HIVEP2: variants seen among roughly 807,000 people sequenced by gnomAD.
HIVEP2 encodes the protein transcription factor HIVEP2.
HIVEP2 carries 14 observed loss-of-function variants against 180.7 expected under a neutral mutation model. The observed-to-expected ratio is 0.08, with a 90% CI of 0.05 to 0.12. HIVEP2 has a LOEUF of 0.12. Ranked by LOEUF, HIVEP2 falls within the 10% of genes least tolerant of loss-of-function variation. The pLI is 1.00. For synonymous variants in HIVEP2, 1,184 were observed against 1,136.4 expected (o/e 1.04, Z -0.84); for missense variants, 2,579 against 3,008.5 (o/e 0.86, Z 3.34).
At chr6:142,909,081 T>C (rs1777338219) in intron 1 of HIVEP2, among the ~76,000 whole-genome samples, 2 of 152,186 alleles carry the variant, frequency 1.3e-5, no homozygotes, top group South Asian at 4.1e-4. Flanking sequence ...CTAAACGTTA[T>C]TGTCTCTACT....
chr6:142,900,842 T>TC (rs1777117905), intron 1 of HIVEP2, among the ~76,000 whole-genome samples: 1 of 152,062 alleles, frequency 6.6e-6, no homozygotes, highest in Non-Finnish European at 1.5e-5. Flanking sequence ...TTGAGGTTTT[T>TC]CCCCCCAAAC....
At chr6:142,819,575 C>G (rs1450057551) in intron 2 of HIVEP2, among the ~76,000 whole-genome samples, 1 of 152,116 alleles carries the variant, frequency 6.6e-6, no homozygotes, top group Non-Finnish European at 1.5e-5. Flanking sequence ...AAGGAGACAC[C>G]GAAGTGACCC....
intron 1 of HIVEP2, among the ~76,000 whole-genome samples, chr6:142,944,366 C>G (rs1778252115): frequency 6.7e-6 from 1 of 148,466 alleles, no homozygotes; most frequent in South Asian, 2.1e-4. Flanking sequence ...AGTCCACCCC[C>G]CCCCCCCACC....
At position 142,773,230 on chromosome 6, in the gene HIVEP2, T is replaced by C. The variant is rs550154900; in HGVS notation, c.1509A>G (p.Arg503=). The change falls in exon 5 of 10, where the codon AGA becomes AGG. Residue 503 remains arginine, a synonymous_variant. Coordinates refer to ENST00000367603, the MANE Select transcript of HIVEP2 (RefSeq NM_006734.4). ...LKSTKFNSES[R]QPQIIPSSIR... ...TAGATGATGGAATAATCTGGGGTTG[T>C]CTGGACTCACTGTTGAACTTAGTGG... is the stretch of plus-strand genomic sequence containing the variant. The C allele has an allele frequency of 4.3e-6, 7 of 1,614,100 alleles. No homozygotes were observed. Among genetic ancestry groups the C allele is most frequent in the African/African-American group, 4.0e-5 (3 of 74,934 alleles).
intron 1 of HIVEP2, among the ~76,000 whole-genome samples, chr6:142,928,842 C>A (rs1489348087): frequency 6.6e-6 from 1 of 152,150 alleles, no homozygotes; most frequent in Admixed American, 6.5e-5. Flanking sequence ...TAACTGCAAC[C>A]ACTTCTTTAC....
chr6:142,883,289 A>G (rs974154718), intron 1 of HIVEP2, among the ~76,000 whole-genome samples: 3 of 152,014 alleles, frequency 2.0e-5, no homozygotes, highest in Admixed American at 1.3e-4. Context: ...CAAAAAGAGA[A>G]CAATTACTGT....
rs772127552 is a variant in HIVEP2, at chr6:142,771,293, C to T, written c.3446G>A (p.Gly1149Glu). 1.2e-6 allele frequency: 2 copies of T among 1,613,518 alleles called. No individual in the cohort carries two copies. Among genetic ancestry groups the T allele is most frequent in the East Asian group, 2.2e-5 (1 of 44,876 alleles). ...VAGPCPPLSS[G>E]PLHLAQPQIM... ...CTGTGGCTGGGCCAGGTGCAGTGGCCCCGAGCTCAGCGGGGGACAAGGACC... is the reference window on the plus strand; with the variant it reads ...CTGTGGCTGGGCCAGGTGCAGTGGCTCCGAGCTCAGCGGGGGACAAGGACC... The change falls in exon 5 of 10, where the codon GGG becomes GAG. Residue 1149 changes from glycine to glutamate, a missense_variant. Physicochemically the swap from Gly to Glu is moderately conservative, Grantham distance 98 (BLOSUM62 -2). Coordinates refer to ENST00000367603, the MANE Select transcript of HIVEP2 (RefSeq NM_006734.4). The surrounding 1 kb of genome is among the most constrained non-coding windows in gnomAD (Gnocchi z 5.4).
rs116983674 is a variant in HIVEP2, at chr6:142,880,329, T to C, written c.-640-43282A>G. On this transcript the variant is annotated intron_variant, in intron 1 of 9. Coordinates refer to ENST00000367603, the MANE Select transcript of HIVEP2 (RefSeq NM_006734.4). ...CCCATAACTTGCACCCTCCCCCAGA[T>C]GGTGAAGCCACACCAAAAAAATTGA... Among the ~76,000 whole-genome samples, 178 of 152,162 alleles carry C rather than the reference T, an allele frequency of 1.2e-3. 4 individuals are homozygous for C. The highest frequency in any genetic ancestry group is 0.011 in the East Asian group (56 of 5,154).
Position 142,773,166 on chromosome 6 carries a change from C to T in HIVEP2, c.1573G>A (p.Gly525Ser). The T allele has an allele frequency of 6.2e-7, 1 of 1,614,184 alleles. No homozygotes were observed. Among genetic ancestry groups the T allele is most frequent in the Non-Finnish European group, 8.5e-7 (1 of 1,180,040 alleles). The change falls in exon 5 of 10, where the codon GGC becomes AGC. Residue 525 changes from glycine to serine, a missense_variant. By Grantham distance (56) the Gly-to-Ser change is moderately conservative. This residue lies in a region of HIVEP2 where 524 missense variants were observed against 563.6 expected (regional missense o/e 0.93). Transcript: ENST00000367603. ...GCTTCTAAGAGAACCGGGTTGCTGCCTTGGAAGTTTGCTGGATAAAGTTTT... is the reference window on the plus strand; with the variant it reads ...GCTTCTAAGAGAACCGGGTTGCTGCTTTGGAAGTTTGCTGGATAAAGTTTT... ...EGKLYPANFQ[G>S]SNPVLLEAPV...
At chr6:142,757,915 C>T (rs955731375) in intron 9 of HIVEP2, among the ~76,000 whole-genome samples, 1 of 152,200 alleles carries the variant, frequency 6.6e-6, no homozygotes, top group Non-Finnish European at 1.5e-5. Context: ...TGAAGAATCG[C>T]ATGTTTGCAG....
chr6:142,862,791 TATA>T, intron 1 of HIVEP2, among the ~76,000 whole-genome samples: 1 of 134,890 alleles, frequency 7.4e-6, no homozygotes, highest in East Asian at 2.1e-4. Context: ...TTATATTACA[TATA>T]ATATATTTAG....
chr6:142,801,495 CA>C (rs1168023836), intron 2 of HIVEP2, among the ~76,000 whole-genome samples: 2 of 151,312 alleles, frequency 1.3e-5, no homozygotes, highest in Non-Finnish European at 2.9e-5. Context: ...GGCCAACGAT[CA>C]CTGAGATAGT....
intron 1 of HIVEP2, among the ~76,000 whole-genome samples, chr6:142,894,365 C>G (rs1776932932): frequency 6.6e-6 from 1 of 152,132 alleles, no homozygotes; most frequent in Non-Finnish European, 1.5e-5. Flanking sequence ...ATAATACCTA[C>G]TCAAGAAAAC....
At chr6:142,882,752 T>C (rs550295343) in intron 1 of HIVEP2, among the ~76,000 whole-genome samples, 84 of 152,280 alleles carry the variant, frequency 5.5e-4, no homozygotes, top group African/African-American at 1.8e-3. Flanking sequence ...TTTTGAGGGT[T>C]TCTCTTTATC....
chr6:142,915,889 C>T (rs530631209), intron 1 of HIVEP2, among the ~76,000 whole-genome samples: 21 of 152,320 alleles, frequency 1.4e-4, no homozygotes, highest in Middle Eastern at 3.4e-3. Flanking sequence ...AATTCAAAGC[C>T]GCTTTAAACT....
rs896624279 is a variant in HIVEP2, at chr6:142,759,848, C to T, written c.6440G>A (p.Arg2147Lys). ...YMTTIRAPSP[R>K]RALYHNPPLS... ...TGGTGGGTTATGGTATAAAGCCCTT[C>T]TGGGAGATGGCGCTCTTATTGTGGT... Residue 2147 changes from arginine (R) to lysine (K), a missense_variant, in exon 9 of 10, where the codon AGA (arginine) becomes AAA (lysine). Transcript: ENST00000367603. The T allele has an allele frequency of 3.7e-6, 6 of 1,614,124 alleles. 1 individual carries two copies. The South Asian group carries it at 6.6e-5, about 18-fold the overall frequency.
intron 9 of HIVEP2, among the ~76,000 whole-genome samples, chr6:142,759,522 T>C (rs1775166156): frequency 6.6e-6 from 1 of 152,128 alleles, no homozygotes; most frequent in African/African-American, 2.4e-5. Flanking sequence ...TAGAAAGCCT[T>C]CAGAAAGGCC....
intron 6 of HIVEP2, among the ~76,000 whole-genome samples, chr6:142,765,872 G>A (rs1193644378): frequency 1.3e-5 from 2 of 152,042 alleles, no homozygotes; most frequent in Non-Finnish European, 2.9e-5. Flanking sequence ...AGTAGTATAC[G>A]GACTAATTCA....
chr6:142,853,084 T>C, intron 1 of HIVEP2, among the ~76,000 whole-genome samples: 1 of 152,238 alleles, frequency 6.6e-6, no homozygotes, highest in East Asian at 1.9e-4. Context: ...CTTCAGTTGG[T>C]AGCTAGATCC....
Sources: allele counts gnomAD v4.1 joint callset (sites outside exome capture counted in the v4.1 genomes callset), GRCh38; gene constraint gnomAD v4.1.1; regional missense constraint gnomAD v4.1.1; non-coding constraint Gnocchi (gnomAD v3.1); transcripts MANE v1.5; gene names NCBI Gene and HGNC (gene_info 2026-07-23, HGNC 2026-07-21).